Variants in NUGGC observed in about 807,000 individuals in gnomAD.
NUGGC encodes nuclear GTPase SLIP-GC.
In NUGGC, 58 loss-of-function variants were observed where a neutral mutation model predicts 92.6. That is an observed-to-expected ratio of 0.63 (90% CI 0.51 to 0.78). The LOEUF (loss-of-function observed/expected upper bound fraction) is 0.78, where lower values mean the gene tolerates loss of function less well. Ranked by LOEUF, NUGGC falls within the 30% of genes least tolerant of loss-of-function variation. The pLI, the probability that NUGGC is intolerant of heterozygous loss-of-function variation, is 0.00. For synonymous variants in NUGGC, 376 were observed against 366.4 expected, an observed-to-expected ratio of 1.03 and a Z score of -0.30; for missense variants, 925 against 964.6, an observed-to-expected ratio of 0.96 and a Z score of 0.54.
intron 10 of NUGGC, among the ~76,000 whole-genome samples, chr8:28,051,233 T>G (rs923490376): frequency 3.9e-5 from 6 of 152,212 alleles, no homozygotes; most frequent in African/African-American, 1.4e-4. Context: ...AATATCTTGT[T>G]GTAGCTAGAC....
chr8:28,035,721 G>A (rs1396660781), intron 13 of NUGGC, among the ~76,000 whole-genome samples: 1 of 152,168 alleles, frequency 6.6e-6, no homozygotes, highest in Non-Finnish European at 1.5e-5. Context: ...CTCCATGAGG[G>A]CATAAATACC....
chr8:28,069,839 T>C (rs1810542217), intron 3 of NUGGC, 187 bp from the exon 4 acceptor site: 1 of 584,228 alleles, frequency 1.7e-6, no homozygotes, highest in South Asian at 2.2e-5. Flanking sequence ...AATCATTGGT[T>C]CTGAAAATCT....
At chr8:28,057,577 G>C (rs1810180056) in intron 9 of NUGGC, among the ~76,000 whole-genome samples, 1 of 151,970 alleles carries the variant, frequency 6.6e-6, no homozygotes, top group African/African-American at 2.4e-5. Flanking sequence ...CTGACCTCGT[G>C]ATCCGCCCAC....
chr8:28,076,519 A>G (rs1423255649), intron 1 of NUGGC, among the ~76,000 whole-genome samples: 1 of 151,722 alleles, frequency 6.6e-6, no homozygotes, highest in South Asian at 2.1e-4. Flanking sequence ...CTGGTCTTGA[A>G]CTCCTGGACT....
At chr8:28,073,182 T>TC (rs1357016691) in intron 2 of NUGGC, among the ~76,000 whole-genome samples, 6 of 149,380 alleles carry the variant, frequency 4.0e-5, no homozygotes, top group East Asian at 1.9e-4. Context: ...TTTTTTCTTT[T>TC]TTTTTTTTTT....
intron 18 of NUGGC, among the ~76,000 whole-genome samples, 200 bp downstream of exon 18, chr8:28,026,762 T>TTCATCA (rs35745694): frequency 1.2e-3 from 185 of 150,760 alleles, no homozygotes; most frequent in African/African-American, 3.6e-3. Context: ...GGCTGTTGTT[T>TTCATCA]TCATCATCAT....
chr8:28,054,601 C>T (rs913330358), intron 10 of NUGGC, among the ~76,000 whole-genome samples: 1 of 152,180 alleles, frequency 6.6e-6, no homozygotes, highest in Non-Finnish European at 1.5e-5. Context: ...TTATCCCTGT[C>T]CACTCCCTCT....
At chr8:28,080,235 C>T (rs975798250) in intron 1 of NUGGC, among the ~76,000 whole-genome samples, 1 of 152,070 alleles carries the variant, frequency 6.6e-6, no homozygotes, top group African/African-American at 2.4e-5. Flanking sequence ...AGCCACCATG[C>T]CCAACCTTAC....
chr8:28,064,357 T>A (rs564574269), intron 7 of NUGGC, among the ~76,000 whole-genome samples, 165 bp downstream of exon 7: 31 of 152,234 alleles, frequency 2.0e-4, no homozygotes, highest in Non-Finnish European at 3.8e-4. Context: ...TTTCTCTGGC[T>A]ACCCACACCC....
At position 28,079,766 on chromosome 8, in the gene NUGGC, C is replaced by T. The variant is rs975684677; in HGVS notation, c.-47+4009G>A. On this transcript the variant is annotated intron_variant, in intron 1 of 18. Coordinates refer to ENST00000413272, the MANE Select transcript of NUGGC (RefSeq NM_001010906.2). Reference sequence around the variant, plus strand: ...ATAGGGCAATGGAAGGAGTAGTGCCCGCAAAGGAGGGTTCCCTCAAATGCA... The same window carrying T: ...ATAGGGCAATGGAAGGAGTAGTGCCTGCAAAGGAGGGTTCCCTCAAATGCA... Among the ~76,000 whole-genome samples the T allele has an allele frequency of 5.3e-5, 8 of 152,252 alleles. No individual in the cohort carries two copies. The South Asian group carries it at 1.5e-3, about 28-fold the overall frequency.
In NUGGC at chr8:28,029,422, C is replaced by G; in HGVS notation, c.2018-20G>C. 6.2e-7 allele frequency: 1 copy of G among 1,610,696 alleles called. No homozygotes were observed. The highest frequency in any genetic ancestry group is 1.1e-5 in the South Asian group (1 of 90,246). On this transcript the variant is annotated intron_variant, in intron 16 of 18. Transcript: ENST00000413272. ...CTGCCTCTGGCAAAAATGATAGCCACAGTCACACCAAGACAAGGACCTGCT... is the reference window on the plus strand; with the variant it reads ...CTGCCTCTGGCAAAAATGATAGCCAGAGTCACACCAAGACAAGGACCTGCT...
chr8:28,054,748 T>C (rs1317775052), intron 10 of NUGGC, among the ~76,000 whole-genome samples: 1 of 151,874 alleles, frequency 6.6e-6, no homozygotes. Context: ...TACAGCTTCT[T>C]TAAAATTCTG....
chr8:28,043,704 A>C (rs1455808672), intron 12 of NUGGC, among the ~76,000 whole-genome samples: 2 of 152,208 alleles, frequency 1.3e-5, no homozygotes, highest in African/African-American at 4.8e-5. Flanking sequence ...TCTGGCCTTG[A>C]TGGCAAAATG....
intron 1 of NUGGC, among the ~76,000 whole-genome samples, chr8:28,083,049 G>A (rs1183936860): frequency 2.6e-5 from 4 of 152,276 alleles, no homozygotes; most frequent in South Asian, 2.1e-4. Context: ...AATAATTTAC[G>A]TAGCTACTCC....
intron 1 of NUGGC, among the ~76,000 whole-genome samples, chr8:28,078,089 G>A (rs966620068): frequency 6.6e-6 from 1 of 152,294 alleles, no homozygotes; most frequent in Non-Finnish European, 1.5e-5. Flanking sequence ...GTTGGTTTGG[G>A]TTTAGCTGCA....
Position 28,023,097 on chromosome 8 carries a change from G to T in NUGGC, c.*220C>A, listed in dbSNP as rs1400492448. 4.7e-6 allele frequency: 2 copies of T among 424,276 alleles called. No individual in the cohort carries two copies. Among genetic ancestry groups the T allele is most frequent in the East Asian group, 3.6e-5 (1 of 27,536 alleles). The allele number at this position is 424,276 out of a possible 1,614,324, so 26.3% of individuals were successfully genotyped here. On this transcript the variant is annotated 3_prime_UTR_variant, in exon 19 of 19. Transcript: ENST00000413272. ...AAAAAAAAAAAAAAAAATTACCCAGGTGTGGTGGCCTGTACCTGTAGCCCC... is the reference window on the plus strand; with the variant it reads ...AAAAAAAAAAAAAAAAATTACCCAGTTGTGGTGGCCTGTACCTGTAGCCCC...
intron 1 of NUGGC, among the ~76,000 whole-genome samples, chr8:28,080,003 A>G (rs1247804426): frequency 2.0e-5 from 3 of 152,030 alleles, no homozygotes; most frequent in Non-Finnish European, 2.9e-5. Context: ...GCAGTGGCAC[A>G]TGATCTCAGC....
At chr8:28,028,555 G>A (rs1225728014) in intron 17 of NUGGC, among the ~76,000 whole-genome samples, 1 of 152,150 alleles carries the variant, frequency 6.6e-6, no homozygotes, top group African/African-American at 2.4e-5. Flanking sequence ...CAGAAAATGT[G>A]GAGCCTCACA....
At chr8:28,049,910 AC>A (rs1809946091) in intron 10 of NUGGC, among the ~76,000 whole-genome samples, 1 of 151,960 alleles carries the variant, frequency 6.6e-6, no homozygotes, top group South Asian at 2.1e-4. Flanking sequence ...ACATGGTGAA[AC>A]CCCGTCTCTA....
Sources: allele counts gnomAD v4.1 joint callset (sites outside exome capture counted in the v4.1 genomes callset), GRCh38; gene constraint gnomAD v4.1.1; transcripts MANE v1.5; gene names NCBI Gene and HGNC (gene_info 2026-07-23, HGNC 2026-07-21).